Variants in RBFOX1 observed in about 807,000 individuals in gnomAD.
RBFOX1 encodes the protein RNA binding fox-1 homolog 1, also known as RNA binding protein fox-1 homolog 1.
In RBFOX1, 8 loss-of-function variants were observed where a neutral mutation model predicts 57.7. The observed-to-expected ratio is 0.14, with a 90% confidence interval of 0.08 to 0.25. The LOEUF is 0.25. Among genes scored for constraint, RBFOX1 ranks in the 10% least tolerant of loss-of-function variants. The probability of loss-of-function intolerance (pLI) is 1.00; values close to 1 mark genes in which losing one functional copy is unlikely to be tolerated. For synonymous variants in RBFOX1, 326 were observed against 222.4 expected, an observed-to-expected ratio of 1.47 and a Z score of -4.15; for missense variants, 611 against 548.5, an observed-to-expected ratio of 1.11 and a Z score of -1.14.
At chr16:7,535,704 A>T (rs886664474) in intron 5 of RBFOX1, among the ~76,000 whole-genome samples, 1 of 152,180 alleles carries the variant, frequency 6.6e-6, no homozygotes, top group East Asian at 1.9e-4. Flanking sequence ...ATACTTACTG[A>T]ACTCCTACTA....
At chr16:6,792,447 C>G (rs1358581741) in intron 3 of RBFOX1, among the ~76,000 whole-genome samples, 3 of 152,168 alleles carry the variant, frequency 2.0e-5, no homozygotes, top group Non-Finnish European at 4.4e-5. Context: ...TCAACCTGTT[C>G]ATACCTTCCA....
chr16:5,878,172 T>C (rs1334548354), intron 4 of RBFOX1, among the ~76,000 whole-genome samples: 1 of 152,112 alleles, frequency 6.6e-6, no homozygotes, highest in East Asian at 1.9e-4. Context: ...GAAAATCAGC[T>C]GGACATGTGG....
chr16:6,059,049 T>C (rs992331731), intron 1 of RBFOX1, among the ~76,000 whole-genome samples: 1 of 152,216 alleles, frequency 6.6e-6, no homozygotes, highest in African/African-American at 2.4e-5. Flanking sequence ...CACCACCACA[T>C]GCACTACTAT....
At chr16:5,600,486 C>G (rs1388933565), downstream of RBFOX1, among the ~76,000 whole-genome samples, 2 of 90,298 alleles carry the variant, frequency 2.2e-5, no homozygotes, top group South Asian at 3.5e-4. Flanking sequence ...GAGCCTGTCT[C>G]AAAAAAAAAA....
At chr16:7,463,060 T>C (rs1161713229) in intron 4 of RBFOX1, among the ~76,000 whole-genome samples, 1 of 152,176 alleles carries the variant, frequency 6.6e-6, no homozygotes, top group South Asian at 2.1e-4. Context: ...CAGAAATTCA[T>C]TGCTCACAGT....
At chr16:6,380,238 A>T (rs548756677) in intron 2 of RBFOX1, among the ~76,000 whole-genome samples, 1 of 152,048 alleles carries the variant, frequency 6.6e-6, no homozygotes, top group South Asian at 2.1e-4. Context: ...TCTGTGCTCC[A>T]AGCCCTGGGA....
At chr16:5,908,095 T>TATATATATATATATATATACAC (rs1567133450) in intron 4 of RBFOX1, among the ~76,000 whole-genome samples, 13 of 139,868 alleles carry the variant, frequency 9.3e-5, no homozygotes, top group African/African-American at 3.6e-4. Flanking sequence ...TACACATATA[T>TATATATATATATATATATACAC]ACACATATAT....
chr16:5,466,419 G>A (rs969050266), intron 1 of RBFOX1, among the ~76,000 whole-genome samples: 3 of 152,200 alleles, frequency 2.0e-5, no homozygotes, highest in African/African-American at 7.2e-5. Flanking sequence ...CCCAACGGAG[G>A]TGCTTGGCTG....
chr16:6,253,514 C>T (rs2097638805), intron 1 of RBFOX1, among the ~76,000 whole-genome samples: 1 of 152,104 alleles, frequency 6.6e-6, no homozygotes, highest in South Asian at 2.1e-4. Flanking sequence ...AATTTGGTGA[C>T]TCTGAGTCCT....
chr16:7,373,788 G>A lies in RBFOX1; in HGVS notation c.28-144359G>A, dbSNP rs1007842179. Among the ~76,000 whole-genome samples, 10 of 152,300 alleles carry A rather than the reference G, an allele frequency of 6.6e-5. No individual in the cohort carries two copies. The East Asian group carries it at 1.4e-3, about 21-fold the overall frequency. ...AAGCCACCAGGCCCCACACTTTGGG[G>A]TCTGGAAACATTCACAGAGCAACTT... On this transcript the variant is annotated intron_variant, in intron 4 of 15. Transcript: ENST00000550418.
chr16:6,557,058 TATATACATAC>T lies in RBFOX1; in HGVS notation c.-63-97539_-63-97530del, dbSNP rs1486296589. On this transcript the variant is annotated intron_variant, in intron 2 of 15. Transcript: ENST00000550418. ...ACACATATATATACATATATATACA[TATATACATAC>T]ATATATACATATATACATACATATA... Among the ~76,000 whole-genome samples the T allele has an allele frequency of 9.5e-4, 138 of 144,566 alleles. 1 individual carries two copies. Among genetic ancestry groups the T allele is most frequent in the African/African-American group, 3.4e-3 (135 of 39,858 alleles). 94.8% of individuals were successfully genotyped at this position (144,566 alleles called of 152,430 possible).
intron 4 of RBFOX1, among the ~76,000 whole-genome samples, chr16:7,282,439 G>T (rs1014204258): frequency 6.6e-6 from 1 of 152,162 alleles, no homozygotes; most frequent in East Asian, 1.9e-4. Flanking sequence ...ACAAAACTCA[G>T]TTGCATGAAA....
chr16:7,690,025 T>A (rs185429019), intron 14 of RBFOX1, among the ~76,000 whole-genome samples: 33 of 152,194 alleles, frequency 2.2e-4, no homozygotes, highest in Admixed American at 3.9e-4. Flanking sequence ...TTGGAAGAGA[T>A]TCAGTGATTC....
chr16:6,690,566 C>CTAG (rs35119387), intron 3 of RBFOX1, among the ~76,000 whole-genome samples: 1 of 152,020 alleles, frequency 6.6e-6, no homozygotes, highest in Non-Finnish European at 1.5e-5. Flanking sequence ...CAAAACTATA[C>CTAG]TGAGATGCAG....
intron 4 of RBFOX1, among the ~76,000 whole-genome samples, chr16:7,308,300 T>TTTTG (rs2096239876): frequency 1.3e-5 from 2 of 149,396 alleles, no homozygotes; most frequent in Admixed American, 6.6e-5. Context: ...CAGAGCTGTT[T>TTTTG]TTTTTTTTTT....
At chr16:5,256,105 G>A (rs148575241) in intron 1 of RBFOX1, among the ~76,000 whole-genome samples, 90 of 152,318 alleles carry the variant, frequency 5.9e-4, no homozygotes, top group African/African-American at 2.0e-3. Flanking sequence ...GTGACATACA[G>A]GTGCTAAGTT....
At chr16:6,624,772 G>C (rs1026467398) in intron 2 of RBFOX1, among the ~76,000 whole-genome samples, 1 of 152,158 alleles carries the variant, frequency 6.6e-6, no homozygotes, top group Admixed American at 6.5e-5. Context: ...TGTCAAGTCA[G>C]TGAAGGCAAT....
intron 2 of RBFOX1, among the ~76,000 whole-genome samples, chr16:6,498,584 C>G (rs188918919): frequency 1.3e-3 from 195 of 152,230 alleles, no homozygotes; most frequent in African/African-American, 4.5e-3. Context: ...AGGCTATAAA[C>G]TTCATGAAGA....
chr16:5,360,096 C>G (rs186470908), intron 1 of RBFOX1, among the ~76,000 whole-genome samples: 41 of 152,346 alleles, frequency 2.7e-4, no homozygotes, highest in African/African-American at 9.6e-4. Flanking sequence ...GAATAAATCA[C>G]TGTCCTGTTC....
Sources: gnomAD v4.1 joint callset for allele counts (sites outside exome capture counted in the v4.1 genomes callset) on GRCh38, gnomAD v4.1.1 for gene constraint, MANE v1.5 for transcripts, NCBI Gene and HGNC (gene_info 2026-07-23, HGNC 2026-07-21) for gene names.